The following FAM234A variants were observed in gnomAD, a reference collection of about 807,000 sequenced individuals.
FAM234A encodes family with sequence similarity 234 member A.
In FAM234A, 42 loss-of-function variants were observed where a neutral mutation model predicts 49.1. That is an observed-to-expected ratio of 0.86 (90% CI 0.67 to 1.11). The LOEUF (loss-of-function observed/expected upper bound fraction) is 1.11. FAM234A is among the 50% of genes least tolerant of loss of function. The probability of loss-of-function intolerance (pLI) is 0.00; values close to 1 mark genes in which losing one functional copy is unlikely to be tolerated. For synonymous variants in FAM234A, 369 were observed against 316.2 expected, an observed-to-expected ratio of 1.17 and a Z score of -1.77; for missense variants, 815 against 745.2, an observed-to-expected ratio of 1.09 and a Z score of -1.09.
chr16:254,171 C>T (rs1027614032), intron 2 of FAM234A: 3 of 536,146 alleles, frequency 5.6e-6, no homozygotes, highest in Non-Finnish European at 1.0e-5. Flanking sequence ...ACAGCTAACT[C>T]GCCTTTCCAC....
chr16:256,561 TTTTA>T lies in FAM234A; in HGVS notation c.268+1900_268+1903del, dbSNP rs1205977592. ...TTTTTAGAAATTAAAAATAATTTAT[TTTTA>T]TTTATTTATTTATTTATTTTTTGAG... On this transcript the variant is annotated intron_variant, in intron 3 of 12. Coordinates refer to ENST00000399932, the MANE Select transcript of FAM234A (RefSeq NM_032039.4). Among the ~76,000 whole-genome samples, 13 of 151,876 alleles carry T rather than the reference TTTTA, an allele frequency of 8.6e-5. No homozygotes were observed. In the South Asian group the frequency reaches 2.3e-3, roughly 27 times the overall value.
chr16:240,481 T>C (rs2050571764), intron 1 of FAM234A, among the ~76,000 whole-genome samples: 1 of 151,342 alleles, frequency 6.6e-6, no homozygotes, highest in African/African-American at 2.4e-5. Flanking sequence ...ATTTAAGGCT[T>C]GAGCCGCTGC....
Position 264,658 on chromosome 16 carries a change from C to G in FAM234A, c.1389C>G (p.Thr463=), listed in dbSNP as rs1407815827. 3 of 1,611,928 alleles carry G rather than the reference C, an allele frequency of 1.9e-6. No individual in the cohort carries two copies. The highest frequency in any genetic ancestry group is 4.5e-5 in the East Asian group (2 of 44,890). The part of the protein sequence containing the change: ...ARHSLYMFHP[T]LPRVLLELAN... The stretch of plus-strand genomic sequence containing the variant: ...ACAGCCTGTACATGTTCCACCCCAC[C>G]CTGCCGCGCGTGCTGCTGGAGCTGG... The change falls in exon 12 of 13, where the codon ACC becomes ACG. Residue 463 remains threonine (T), a synonymous_variant. Transcript: ENST00000399932.
intron 1 of FAM234A, among the ~76,000 whole-genome samples, chr16:238,542 A>C (rs187651195): frequency 6.6e-6 from 1 of 151,804 alleles, no homozygotes; most frequent in Non-Finnish European, 1.5e-5. Context: ...CAAGGGGGGC[A>C]GATCATGAGG....
At chr16:268,905 G>A, downstream of FAM234A, 1 of 1,550,534 alleles carries the variant, frequency 6.4e-7, no homozygotes, top group South Asian at 1.2e-5. Flanking sequence ...GGTATTCGCT[G>A]GCTGATTTAC....
chr16:260,204 C>G, intron 5 of FAM234A, 44 bp downstream of exon 5: 1 of 1,566,030 alleles, frequency 6.4e-7, no homozygotes, highest in Non-Finnish European at 8.8e-7. Context: ...GGCCTCTCAC[C>G]TGAGCCACCT....
chr16:260,240 C>G, intron 5 of FAM234A, 80 bp downstream of exon 5: 1 of 1,332,246 alleles, frequency 7.5e-7, no homozygotes, highest in Non-Finnish European at 1.1e-6. Flanking sequence ...TGCCAGGAGG[C>G]CGCGACGAGG....
chr16:256,653 C>T (rs2051245177), intron 3 of FAM234A, among the ~76,000 whole-genome samples: 2 of 152,078 alleles, frequency 1.3e-5, no homozygotes, highest in Admixed American at 1.3e-4. Context: ...TCACTGCAAC[C>T]TCTGCCTCCC....
chr16:257,154 C>G (rs907301445), intron 3 of FAM234A, among the ~76,000 whole-genome samples: 2 of 152,016 alleles, frequency 1.3e-5, no homozygotes, highest in Non-Finnish European at 2.9e-5. Context: ...GCTAGGACTA[C>G]CGGTGTGAAC....
At chr16:268,515 C>T (rs949419761), downstream of FAM234A, 11 of 552,334 alleles carry the variant, frequency 2.0e-5, no homozygotes, top group African/African-American at 1.3e-4. Context: ...GGCCAGCTCA[C>T]GAAGGAAGAC....
chr16:243,187 C>A (rs2050680315), intron 1 of FAM234A, among the ~76,000 whole-genome samples: 1 of 152,008 alleles, frequency 6.6e-6, no homozygotes, highest in Non-Finnish European at 1.5e-5. Flanking sequence ...CCATGTTGCC[C>A]AGACTGGTCT....
At chr16:269,210 G>A (rs1435395089), downstream of FAM234A, 5 of 1,263,922 alleles carry the variant, frequency 4.0e-6, no homozygotes, top group East Asian at 1.0e-4. Flanking sequence ...GGGGGTGGCT[G>A]CTGCATTCAC....
chr16:241,309 C>T (rs369931001), intron 1 of FAM234A, among the ~76,000 whole-genome samples: 2 of 151,466 alleles, frequency 1.3e-5, no homozygotes, highest in Admixed American at 6.6e-5. Flanking sequence ...AGGCTGGGCA[C>T]GGTGGTTCAC....
chr16:269,086 CAGGGAGGGCTTGCTGG>C (rs2051796540), downstream of FAM234A: 8 of 953,270 alleles, frequency 8.4e-6, no homozygotes, highest in Non-Finnish European at 1.2e-5. Flanking sequence ...TCCTTCTGGG[CAGGGAGGGCTTGCTGG>C]AGGGAGGGAG....
At chr16:259,819 G>A in intron 4 of FAM234A, 150 bp from the exon 5 acceptor site, 1 of 777,486 alleles carries the variant, frequency 1.3e-6, no homozygotes, top group East Asian at 2.5e-5. Flanking sequence ...AGCCCCGGGA[G>A]CCTGCAAGAT....
chr16:268,683 G>C, downstream of FAM234A: 1 of 1,364,642 alleles, frequency 7.3e-7, no homozygotes, highest in Non-Finnish European at 1.0e-6. Context: ...ACAAATTCTG[G>C]AACGCGTTTG....
intron 3 of FAM234A, among the ~76,000 whole-genome samples, chr16:257,846 T>C (rs2141311297): frequency 6.6e-6 from 1 of 151,802 alleles, no homozygotes; most frequent in African/African-American, 2.4e-5. Context: ...GGGTTCAACT[T>C]TATTCTTTTT....
intron 2 of FAM234A, among the ~76,000 whole-genome samples, chr16:253,051 C>G (rs2051082757): frequency 6.6e-6 from 1 of 152,254 alleles, no homozygotes; most frequent in Non-Finnish European, 1.5e-5. Flanking sequence ...TTGCCTGAGA[C>G]AAAATGGAAG....
intron 2 of FAM234A, chr16:254,131 A>G: frequency 4.5e-6 from 2 of 442,210 alleles, no homozygotes; most frequent in Non-Finnish European, 8.2e-6. Context: ...CGTGTTCTGG[A>G]TGAAAATAGT....
Sources: allele counts gnomAD v4.1 joint callset (sites outside exome capture counted in the v4.1 genomes callset), GRCh38; gene constraint gnomAD v4.1.1; transcripts MANE v1.5; gene names NCBI Gene and HGNC (gene_info 2026-07-23, HGNC 2026-07-21).